The following RYR1 variants were observed in gnomAD, a reference collection of about 807,000 sequenced individuals.
RYR1 encodes the protein central core disease of muscle.
RYR1 carries 342 observed loss-of-function variants against 583.5 expected under a neutral mutation model. The ratio of observed to expected loss-of-function variants is 0.59; its 90% CI spans 0.54 to 0.64. The LOEUF (loss-of-function observed/expected upper bound fraction) is 0.64. RYR1 is among the 30% of genes least tolerant of loss of function. The pLI, the probability that RYR1 is intolerant of heterozygous loss-of-function variation, is 0.00. For missense variants in RYR1, 6,032 were observed against 6,917.2 expected, an observed-to-expected ratio of 0.87 and a Z score of 4.54; for synonymous variants, 2,791 against 2,822.5, an observed-to-expected ratio of 0.99 and a Z score of 0.35.
At chr19:38,525,153 G>A (rs1283201989) in intron 70 of RYR1, among the ~76,000 whole-genome samples, 179 bp from the exon 71 acceptor site, 1 of 152,188 alleles carries the variant, frequency 6.6e-6, no homozygotes, top group Non-Finnish European at 1.5e-5. Context: ...CTCCGGTCAT[G>A]GCTGTGGGCC....
chr19:38,560,914 T>G (rs1340101141), intron 89 of RYR1, among the ~76,000 whole-genome samples, 199 bp from the exon 90 acceptor site: 3 of 150,842 alleles, frequency 2.0e-5, no homozygotes, highest in African/African-American at 7.3e-5. Context: ...TAGTCCCAGC[T>G]GCTCTGGATG....
rs886038338 is a variant in RYR1, at chr19:38,499,094, C to T, written c.6892-14C>T. ...CATGGGTCTGGTCTCTGACTGAGCC[C>T]CTTCTGCCCCCAGGTTGTGTCCTAC... is the stretch of plus-strand genomic sequence containing the variant. On this transcript the variant is annotated splice_polypyrimidine_tract_variant and intron_variant, in intron 42 of 105. Coordinates refer to ENST00000359596, the MANE Select transcript of RYR1 (RefSeq NM_000540.3). This position sits in a 1 kb window ranked among gnomAD's most constrained non-coding sequence, Gnocchi z 7.3. 6.2e-7 allele frequency: 1 copy of T among 1,613,780 alleles called. No individual in the cohort carries two copies. Among genetic ancestry groups the T allele is most frequent in the Non-Finnish European group, 8.5e-7 (1 of 1,179,834 alleles).
Position 38,483,328 on chromosome 19 carries a change from G to A in RYR1, c.4746G>A (p.Glu1582=). 1 of 1,560,610 alleles carries A rather than the reference G, an allele frequency of 6.4e-7. No homozygotes were observed. Among genetic ancestry groups the A allele is most frequent in the Non-Finnish European group, 8.7e-7 (1 of 1,152,248 alleles). ...TGTCAGCCGCCATGTTCCAAAGCGA[G>A]CGCAAGAACCCGGCCCCGCAGTGCC... The part of the protein sequence containing the change: ...MPLSAAMFQS[E]RKNPAPQCPP... The change falls in exon 33 of 106, where the codon GAG becomes GAA. Residue 1582 remains glutamate, a synonymous_variant. Coordinates refer to ENST00000359596, the MANE Select transcript of RYR1 (RefSeq NM_000540.3). The surrounding 1 kb of genome is among the most constrained non-coding windows in gnomAD (Gnocchi z 6.3).
chr19:38,462,778 A>G (rs1381824237), intron 20 of RYR1, among the ~76,000 whole-genome samples: 1 of 151,186 alleles, frequency 6.6e-6, no homozygotes, highest in Non-Finnish European at 1.5e-5. Context: ...TCTGGGCTGG[A>G]TAGGGCTGGG....
chr19:38,517,644 T>A lies in RYR1; in HGVS notation c.9971T>A (p.Val3324Asp), dbSNP rs141515745. 2 of 1,614,098 alleles carry A rather than the reference T, an allele frequency of 1.2e-6. No homozygotes were observed. Among genetic ancestry groups the A allele is most frequent in the East Asian group, 4.5e-5 (2 of 44,868 alleles). Reference protein sequence around the residue: ...SLLGNILRIIVNNLGIDEASW... With the variant: ...SLLGNILRIIDNNLGIDEASW... ...CTGGGGAATATCCTGAGAATCATCG[T>A]CAACAACCTGGGCATTGACGAGGCC... is the stretch of plus-strand genomic sequence containing the variant. The change falls in exon 66 of 106, where the codon GTC becomes GAC. Residue 3324 changes from valine (V) to aspartate (D), a missense_variant. By Grantham distance (152) the Val-to-Asp change is radical. Transcript: ENST00000359596.
Position 38,586,074 on chromosome 19 carries a change from T to G in RYR1, c.14869-17T>G. ...GGTCAAGTGGGCCTCCACTCTGATG[T>G]CTCTTGCCACTCACAGACCAAGTGC... On this transcript the variant is annotated splice_polypyrimidine_tract_variant and intron_variant, in intron 103 of 105. Transcript: ENST00000359596. 1 of 1,614,068 alleles carries G rather than the reference T, an allele frequency of 6.2e-7. No homozygotes were observed. The highest frequency in any genetic ancestry group is 8.5e-7 in the Non-Finnish European group (1 of 1,179,966).
intron 28 of RYR1, 32 bp downstream of exon 28, chr19:38,473,803 G>A: frequency 6.8e-7 from 1 of 1,472,754 alleles, no homozygotes; most frequent in Admixed American, 2.5e-5. Context: ...GTGGGGATTG[G>A]GGGCTGCCTT....
At chr19:38,523,981 C>G in intron 70 of RYR1, 52 bp downstream of exon 70, 1 of 1,607,142 alleles carries the variant, frequency 6.2e-7, no homozygotes, top group Non-Finnish European at 8.5e-7. Flanking sequence ...ATGCCCTCTT[C>G]CCCCAGCCTC....
intron 76 of RYR1, among the ~76,000 whole-genome samples, chr19:38,531,635 C>A (rs1222985039): frequency 6.6e-6 from 1 of 152,102 alleles, no homozygotes; most frequent in African/African-American, 2.4e-5. Context: ...CTCCAGCAAA[C>A]CTCACTGAAT....
intron 91 of RYR1, 136 bp from the exon 92 acceptor site, chr19:38,566,775 C>T (rs1484587181): frequency 4.0e-6 from 6 of 1,492,110 alleles, no homozygotes; most frequent in Non-Finnish European, 5.5e-6. Flanking sequence ...CATAATCTGC[C>T]TCTTTCTGGT....
At position 38,573,248 on chromosome 19, in the gene RYR1, G is replaced by A. The variant is rs113058779; in HGVS notation, c.14070G>A (p.Thr4690=). 1.1e-4 allele frequency: 182 copies of A among 1,614,018 alleles called. No homozygotes were observed. In the African/African-American group the frequency reaches 1.9e-3, roughly 17 times the overall value. ...TGGAGTTTGATGGCCTGTACATCAC[G>A]GAGCAGCCTGAGGACGATGACGTGA... ...RKLEFDGLYI[T]EQPEDDDVKG... Residue 4690 remains threonine (T), a synonymous_variant, in exon 96 of 106, where the codon ACG becomes ACA. Transcript: ENST00000359596.
In RYR1 at chr19:38,483,204, G is replaced by A; in HGVS notation, c.4708-86G>A. Reference sequence around the variant, plus strand: ...CGGGCAGAGCCACTGAAGGGGAGGGGGCAATCCAAGAGGTCTCCCTGGAAG... The same window carrying A: ...CGGGCAGAGCCACTGAAGGGGAGGGAGCAATCCAAGAGGTCTCCCTGGAAG... On this transcript the variant is annotated intron_variant, in intron 32 of 105. Transcript: ENST00000359596. The surrounding 1 kb of genome is among the most constrained non-coding windows in gnomAD (Gnocchi z 6.3). The A allele has an allele frequency of 3.1e-6, 5 of 1,587,980 alleles. No individual in the cohort carries two copies. Among genetic ancestry groups the A allele is most frequent in the Non-Finnish European group, 4.3e-6 (5 of 1,159,382 alleles).
rs1832063868 is a variant in RYR1, at chr19:38,586,617, A to G, written c.15021+41A>G. The G allele has an allele frequency of 1.9e-6, 3 of 1,585,842 alleles. No individual in the cohort carries two copies. The South Asian group carries it at 3.3e-5, about 18-fold the overall frequency. ...TGGGAGGACAGTGGGCAGGACGTGG[A>G]GCCCTTTAACATAAGGCCAGTCAGT... is the stretch of plus-strand genomic sequence containing the variant. On this transcript the variant is annotated intron_variant, in intron 105 of 105. Transcript: ENST00000359596.
At chr19:38,435,096 C>G (rs1008759066) in intron 1 of RYR1, among the ~76,000 whole-genome samples, 1 of 152,212 alleles carries the variant, frequency 6.6e-6, no homozygotes, top group African/African-American at 2.4e-5. Context: ...CTTGAGCTGT[C>G]GCTCTAAACC....
intron 1 of RYR1, among the ~76,000 whole-genome samples, chr19:38,440,326 G>C (rs1393778746): frequency 2.6e-5 from 4 of 152,148 alleles, no homozygotes; most frequent in African/African-American, 7.2e-5. Context: ...ATTACTTGAG[G>C]TCAGGAGTTC....
chr19:38,502,677 C>T lies in RYR1; in HGVS notation c.7785C>T (p.Leu2595=), dbSNP rs774617852. ...TVYRLSRGRS[L]TKAQRDVIED... Reference sequence around the variant, plus strand: ...ACCGCCTGTCTCGGGGTCGTTCGCTCACCAAGGCGCAGCGTGACGTCATCG... The same window carrying T: ...ACCGCCTGTCTCGGGGTCGTTCGCTTACCAAGGCGCAGCGTGACGTCATCG... Residue 2595 remains leucine, a synonymous_variant, in exon 48 of 106, where the codon CTC becomes CTT. Coordinates refer to ENST00000359596, the MANE Select transcript of RYR1 (RefSeq NM_000540.3). 14 of 1,608,974 alleles carry T rather than the reference C, an allele frequency of 8.7e-6. No homozygotes were observed. The South Asian group carries it at 9.9e-5, about 11-fold the overall frequency.
chr19:38,496,351 G>A lies in RYR1; in HGVS notation c.6663+22G>A. On this transcript the variant is annotated intron_variant, in intron 40 of 105. Coordinates refer to ENST00000359596, the MANE Select transcript of RYR1 (RefSeq NM_000540.3). The surrounding 1 kb of genome is among the most constrained non-coding windows in gnomAD (Gnocchi z 4.8). Reference sequence around the variant, plus strand: ...CAAGGTGAGGGCCCAGGCAGGTGCTGGGGAGCTCAGGGGAGGCAGCCACAG... The same window carrying A: ...CAAGGTGAGGGCCCAGGCAGGTGCTAGGGAGCTCAGGGGAGGCAGCCACAG... 6.2e-7 allele frequency: 1 copy of A among 1,613,756 alleles called. No individual in the cohort carries two copies. The highest frequency in any genetic ancestry group is 1.1e-5 in the South Asian group (1 of 91,084).
At chr19:38,503,088 TTAGG>T in intron 49 of RYR1, 118 bp downstream of exon 49, 2 of 925,594 alleles carry the variant, frequency 2.2e-6, no homozygotes, top group Non-Finnish European at 3.4e-6. Context: ...CCTGCACTAG[TTAGG>T]GCAGCGTCCC....
In RYR1 at chr19:38,505,759, CT is replaced by C. The variant is rs777873450; in HGVS notation, c.8401-46del. 1.4e-5 allele frequency: 22 copies of C among 1,612,852 alleles called. No individual in the cohort carries two copies. The Middle Eastern group carries it at 8.2e-4, about 60-fold the overall frequency. Reference sequence around the variant, plus strand: ...CTCCTTTGGGGTCCTTCCTCCACCCCTCTCTCATCCCATTCCACCAACTCCC... The same window carrying C: ...CTCCTTTGGGGTCCTTCCTCCACCCCCTCTCATCCCATTCCACCAACTCCC... On this transcript the variant is annotated intron_variant, in intron 53 of 105. Coordinates refer to ENST00000359596, the MANE Select transcript of RYR1 (RefSeq NM_000540.3).
Sources: allele counts gnomAD v4.1 joint callset (sites outside exome capture counted in the v4.1 genomes callset), GRCh38; gene constraint gnomAD v4.1.1; non-coding constraint Gnocchi (gnomAD v3.1); transcripts MANE v1.5; gene names NCBI Gene and HGNC (gene_info 2026-07-23, HGNC 2026-07-21).